CPNE8: variants seen among roughly 807,000 people sequenced by gnomAD.
CPNE8 encodes the protein copine 8, also known as copine-8.
Under a neutral mutation model 81.5 loss-of-function variants are expected in CPNE8, and 45 were observed. The observed-to-expected ratio is 0.55, with a 90% CI of 0.44 to 0.71. The LOEUF (loss-of-function observed/expected upper bound fraction) is 0.71. CPNE8 is among the 30% of genes least tolerant of loss of function. The pLI is 0.00. For synonymous variants in CPNE8, 252 were observed against 226.3 expected (o/e 1.11, Z -1.02); for missense variants, 594 against 672.1 (o/e 0.88, Z 1.28).
chr12:38,695,704 T>C (rs966661929), intron 14 of CPNE8, among the ~76,000 whole-genome samples: 2 of 152,140 alleles, frequency 1.3e-5, no homozygotes, highest in African/African-American at 4.8e-5. Flanking sequence ...TCTGGGAGGC[T>C]GAGGCAGGTG....
At chr12:38,665,206 GTC>G (rs1939038013) in intron 19 of CPNE8, among the ~76,000 whole-genome samples, 1 of 151,904 alleles carries the variant, frequency 6.6e-6, no homozygotes, top group African/African-American at 2.4e-5. Context: ...ACCTCTATTA[GTC>G]TCTCATTTCT....
At chr12:38,860,332 T>A (rs993032349) in intron 3 of CPNE8, among the ~76,000 whole-genome samples, 8 of 135,960 alleles carry the variant, frequency 5.9e-5, no homozygotes, top group African/African-American at 1.1e-4. Context: ...TGGAGAACTG[T>A]AAATTCACAC....
rs188603239 is a variant in CPNE8 at position 38,766,999 on chromosome 12, A to G, written c.575+636T>C. Among the ~76,000 whole-genome samples the G allele has an allele frequency of 2.3e-4, 35 of 152,268 alleles. 1 individual carries two copies. The highest frequency in any genetic ancestry group is 2.0e-3 in the Admixed American group (31 of 15,296). On this transcript the variant is annotated intron_variant, in intron 8 of 19. Transcript: ENST00000331366. ...ATAGCTATTAAGTAGCAAGGTTATT[A>G]TTTAAATCTAGACAACAGAAATTAG...
chr12:38,711,255 A>T (rs1279974674), intron 13 of CPNE8, among the ~76,000 whole-genome samples: 1 of 152,184 alleles, frequency 6.6e-6, no homozygotes, highest in Non-Finnish European at 1.5e-5. Flanking sequence ...CACTGTAACC[A>T]AGCAACATAA....
chr12:38,778,313 C>T (rs1165540244), intron 6 of CPNE8, among the ~76,000 whole-genome samples: 1 of 152,050 alleles, frequency 6.6e-6, no homozygotes, highest in South Asian at 2.1e-4. Flanking sequence ...AATGAAATCA[C>T]CTAAGGAAGC....
chr12:38,848,440 T>G, intron 4 of CPNE8, 119 bp downstream of exon 4: 2 of 1,395,634 alleles, frequency 1.4e-6, no homozygotes, highest in South Asian at 3.3e-5. Context: ...TGAACAGAAT[T>G]AATCTGGTTT....
chr12:38,783,128 T>C (rs531270548), intron 6 of CPNE8, among the ~76,000 whole-genome samples: 45 of 152,334 alleles, frequency 3.0e-4, no homozygotes, highest in Non-Finnish European at 5.4e-4. Flanking sequence ...CAGTTAAACA[T>C]GATCTCAAGA....
chr12:38,742,001 G>A (rs4494337), intron 10 of CPNE8, among the ~76,000 whole-genome samples: 15,642 of 152,104 alleles, frequency 0.1, 1,011 homozygotes, highest in East Asian at 0.25. Context: ...TTAGAATGGC[G>A]ATCATTAAAA....
chr12:38,844,744 A>AT (rs944726147), intron 4 of CPNE8, among the ~76,000 whole-genome samples: 1 of 152,084 alleles, frequency 6.6e-6, no homozygotes, highest in Non-Finnish European at 1.5e-5. Context: ...CAGCACTGAA[A>AT]TTTTTTTAAG....
chr12:38,906,130 A>G (rs1944568748), upstream of CPNE8: 3 of 985,658 alleles, frequency 3.0e-6, no homozygotes, highest in Non-Finnish European at 3.6e-6. Flanking sequence ...CCTCCCCACA[A>G]TTGGTTCTCA....
Position 38,669,632 on chromosome 12 carries a change from G to C in CPNE8, c.1506+1097C>G, listed in dbSNP as rs891496679. ...CCTTTCTAGCCTCATGCATTTTAAG[G>C]AAATTACTTCTCTTCTGACTACAAG... On this transcript the variant is annotated intron_variant, in intron 19 of 19. Transcript: ENST00000331366. Among the ~76,000 whole-genome samples the C allele has an allele frequency of 2.6e-5, 4 of 152,062 alleles. No homozygotes were observed. The South Asian group carries it at 6.2e-4, about 24-fold the overall frequency.
intron 7 of CPNE8, among the ~76,000 whole-genome samples, chr12:38,771,115 A>C (rs1000660901): frequency 3.3e-5 from 5 of 152,176 alleles, no homozygotes; most frequent in Middle Eastern, 3.4e-3. Flanking sequence ...TCAATCAATA[A>C]ATAAAAACAA....
chr12:38,870,666 T>A (rs1016695335), intron 3 of CPNE8, among the ~76,000 whole-genome samples: 69 of 151,912 alleles, frequency 4.5e-4, no homozygotes, highest in African/African-American at 1.6e-3. Context: ...AGGGGAGAAA[T>A]AGCATTAGGA....
At chr12:38,750,384 A>C (rs376906377) in intron 10 of CPNE8, among the ~76,000 whole-genome samples, 4 of 152,162 alleles carry the variant, frequency 2.6e-5, no homozygotes, top group African/African-American at 9.7e-5. Context: ...CCAGAATGGT[A>C]GATCTGCTGA....
At chr12:38,663,234 GA>G (rs1938996873) in intron 19 of CPNE8, among the ~76,000 whole-genome samples, 1 of 151,846 alleles carries the variant, frequency 6.6e-6, no homozygotes, top group Admixed American at 6.6e-5. Flanking sequence ...TTAATATCCA[GA>G]ATATGCAATG....
intron 10 of CPNE8, among the ~76,000 whole-genome samples, chr12:38,748,353 T>C (rs182174457): frequency 4.6e-5 from 7 of 152,306 alleles, no homozygotes; most frequent in Non-Finnish European, 8.8e-5. Context: ...TTGATGGAAG[T>C]ACCACAATTT....
intron 13 of CPNE8, among the ~76,000 whole-genome samples, chr12:38,705,261 G>A (rs966642178): frequency 5.9e-5 from 9 of 151,994 alleles, no homozygotes; most frequent in African/African-American, 1.4e-4. Context: ...AAAGCAATCC[G>A]ATTCTGCTAT....
intron 6 of CPNE8, among the ~76,000 whole-genome samples, chr12:38,779,077 A>G (rs762012000): frequency 4.6e-5 from 7 of 152,078 alleles, no homozygotes; most frequent in South Asian, 2.1e-4. Flanking sequence ...TCTTCTTTCT[A>G]TTTGTGAACT....
At chr12:38,893,305 G>C (rs1944339895) in intron 1 of CPNE8, among the ~76,000 whole-genome samples, 1 of 152,110 alleles carries the variant, frequency 6.6e-6, no homozygotes, top group Non-Finnish European at 1.5e-5. Flanking sequence ...CAAGATACAT[G>C]TCATAAAGAC....
Sources: gnomAD v4.1 joint callset for allele counts (sites outside exome capture counted in the v4.1 genomes callset) on GRCh38, gnomAD v4.1.1 for gene constraint, MANE v1.5 for transcripts, NCBI Gene and HGNC (gene_info 2026-07-23, HGNC 2026-07-21) for gene names.